Variants in NEMP1 observed in about 807,000 individuals in gnomAD.
NEMP1 encodes nuclear envelope integral membrane protein 1, also known as transmembrane protein 194.
Under a neutral mutation model 53.7 loss-of-function variants are expected in NEMP1, and 29 were observed. The observed-to-expected ratio is 0.54, with a 90% CI of 0.40 to 0.74. NEMP1 has a LOEUF of 0.74. Ranked by LOEUF, NEMP1 falls within the 30% of genes least tolerant of loss-of-function variation. NEMP1 has a pLI of 0.00. For synonymous variants in NEMP1, 193 were observed against 192.9 expected, an observed-to-expected ratio of 1.00 and a Z score of 0.00; for missense variants, 477 against 528.6, an observed-to-expected ratio of 0.90 and a Z score of 0.96.
At position 57,058,947 on chromosome 12, in the gene NEMP1, T is replaced by C. The variant is rs1427718693; in HGVS notation, c.*932A>G. ...GGAGAACGTATAAAAAGCATCCAAATCCCCTAAACAAGATGACTTCTCCTA... is the reference window on the plus strand; with the variant it reads ...GGAGAACGTATAAAAAGCATCCAAACCCCCTAAACAAGATGACTTCTCCTA... On this transcript the variant is annotated 3_prime_UTR_variant, in exon 9 of 9. Coordinates refer to ENST00000300128, the MANE Select transcript of NEMP1 (RefSeq NM_001130963.2). The C allele has an allele frequency of 2.6e-5, 4 of 151,874 alleles. No homozygotes were observed. Among genetic ancestry groups the C allele is most frequent in the African/African-American group, 9.7e-5 (4 of 41,334 alleles). 9.4% of individuals were successfully genotyped at this position (151,874 alleles called of 1,614,324 possible). A position where few individuals can be genotyped will look rare whatever the true frequency, so the allele number is the denominator to read the frequency against.
intron 1 of NEMP1, among the ~76,000 whole-genome samples, chr12:57,084,203 C>A (rs1427429345): frequency 1.3e-5 from 2 of 152,180 alleles, no homozygotes; most frequent in Non-Finnish European, 2.9e-5. Flanking sequence ...CTCAGGTGAT[C>A]CACCCACCTC....
In NEMP1 at chr12:57,063,105, T is replaced by C. The variant is rs1253777772; in HGVS notation, c.980+14A>G. On this transcript the variant is annotated intron_variant, in intron 7 of 8. Coordinates refer to ENST00000300128, the MANE Select transcript of NEMP1 (RefSeq NM_001130963.2). Reference sequence around the variant, plus strand: ...TGTACCTGTCAATATTAAGTTACATTGCCTTTCAGTCACCTGCAGGTGATG... The same window carrying C: ...TGTACCTGTCAATATTAAGTTACATCGCCTTTCAGTCACCTGCAGGTGATG... The C allele has an allele frequency of 1.9e-6, 3 of 1,591,864 alleles. No homozygotes were observed. Among genetic ancestry groups the C allele is most frequent in the Admixed American group, 1.7e-5 (1 of 59,986 alleles).
rs2032407809 is a variant in NEMP1 at position 57,072,670 on chromosome 12, A to G, written c.252+118T>C. The G allele has an allele frequency of 3.5e-6, 4 of 1,152,710 alleles. No individual in the cohort carries two copies. The South Asian group carries it at 6.5e-5, about 19-fold the overall frequency. The allele number at this position is 1,152,710 out of a possible 1,614,324, so 71.4% of individuals were successfully genotyped here. On this transcript the variant is annotated intron_variant, in intron 2 of 8. Transcript: ENST00000300128. ...AACTCAGGATAATCTCAACCCTAAC[A>G]AGATTGTTAACAACATTTTTTTTAA... is the stretch of plus-strand genomic sequence containing the variant.
At position 57,064,190 on chromosome 12, in the gene NEMP1, G is replaced by A. The variant is rs759458072; in HGVS notation, c.640-5C>T. On this transcript the variant is annotated splice_polypyrimidine_tract_variant and splice_region_variant and intron_variant, in intron 5 of 8. Transcript: ENST00000300128. ...GATGACGTAAATGGGACTTTTCTAAGACAGAGAGTAGAAGTGAAAGCAAAA... is the reference window on the plus strand; with the variant it reads ...GATGACGTAAATGGGACTTTTCTAAAACAGAGAGTAGAAGTGAAAGCAAAA... 9 of 1,578,698 alleles carry A rather than the reference G, an allele frequency of 5.7e-6. No individual in the cohort carries two copies. The highest frequency in any genetic ancestry group is 7.8e-6 in the Non-Finnish European group (9 of 1,158,622).
Position 57,064,669 on chromosome 12 carries a change from T to G in NEMP1, c.616A>C (p.Ile206Leu). ...ACCTTAGGCATAAACTTAGATAGTATAAAAATGATGATTAGCAGAGAGGCC... is the reference window on the plus strand; with the variant it reads ...ACCTTAGGCATAAACTTAGATAGTAGAAAAATGATGATTAGCAGAGAGGCC... The part of the protein sequence containing the change: ...IVASLLIIIF[I>L]LSKFMPKKSP... The change falls in exon 5 of 9, where the codon ATA (isoleucine) becomes CTA (leucine). Residue 206 changes from isoleucine (I) to leucine (L), a missense_variant. Ile to Leu is a conservative substitution (Grantham distance 5). Transcript: ENST00000300128. 2 of 1,612,880 alleles carry G rather than the reference T, an allele frequency of 1.2e-6. No homozygotes were observed. The highest frequency in any genetic ancestry group is 2.2e-5 in the South Asian group (2 of 90,908).
upstream of NEMP1, among the ~76,000 whole-genome samples, chr12:57,080,284 A>C (rs2032804866): frequency 6.6e-6 from 1 of 152,232 alleles, no homozygotes; most frequent in Admixed American, 6.5e-5. Flanking sequence ...GGACCTTTTT[A>C]AAAGTCAAAA....
In NEMP1 at chr12:57,069,247, C is replaced by T; in HGVS notation, c.532G>A (p.Asp178Asn). The T allele has an allele frequency of 6.5e-7, 1 of 1,547,012 alleles. No homozygotes were observed. The highest frequency in any genetic ancestry group is 2.4e-5 in the East Asian group (1 of 40,856). ...CTTGGAACCTACCTGCTCAGCAAGT[C>T]TCCACAAAAAAATAGCATAAGTCCA... ...LLGLMLFFCG[D>N]LLSRSQIFYY... The change falls in exon 4 of 9, where the codon GAC (aspartate) becomes AAC (asparagine). Residue 178 changes from aspartate (D) to asparagine (N), a missense_variant. By Grantham distance (23) the Asp-to-Asn change is conservative. Coordinates refer to ENST00000300128, the MANE Select transcript of NEMP1 (RefSeq NM_001130963.2).
Position 57,057,196 on chromosome 12 carries a change from C to T in NEMP1, c.*2683G>A, listed in dbSNP as rs1485527445. ...CAGACTGATGAGAGGCAATAGATTT[C>T]CAATGCTGATGAGATCCAGAGCCCT... is the stretch of plus-strand genomic sequence containing the variant. On this transcript the variant is annotated 3_prime_UTR_variant, in exon 9 of 9. Transcript: ENST00000300128. 1 of 152,180 alleles carries T rather than the reference C, an allele frequency of 6.6e-6. No homozygotes were observed. Among genetic ancestry groups the T allele is most frequent in the Admixed American group, 6.5e-5 (1 of 15,282 alleles). The allele number at this position is 152,180 out of a possible 1,614,324, so 9.4% of individuals were successfully genotyped here. A position where few individuals can be genotyped will look rare whatever the true frequency, so the allele number is the denominator to read the frequency against.
upstream of NEMP1, chr12:57,078,805 C>A: frequency 6.4e-7 from 1 of 1,554,404 alleles, no homozygotes; most frequent in South Asian, 1.2e-5. Context: ...TCCGAACGGG[C>A]AACGACAGCA....
Position 57,059,581 on chromosome 12 carries a change from T to C in NEMP1, c.*298A>G. ...ATTGAATCAACTTTCAAGAAGGAGC[T>C]AGAATGCCATGCTAGCTGTGGCCAT... On this transcript the variant is annotated 3_prime_UTR_variant, in exon 9 of 9. Coordinates refer to ENST00000300128, the MANE Select transcript of NEMP1 (RefSeq NM_001130963.2). 4.0e-6 allele frequency: 1 copy of C among 252,524 alleles called. No individual in the cohort carries two copies. The highest frequency in any genetic ancestry group is 7.6e-6 in the Non-Finnish European group (1 of 131,250). The allele number at this position is 252,524 out of a possible 1,614,324, so 15.6% of individuals were successfully genotyped here.
chr12:57,076,012 G>A (rs1280844697), intron 1 of NEMP1, among the ~76,000 whole-genome samples: 1 of 151,968 alleles, frequency 6.6e-6, no homozygotes, highest in Non-Finnish European at 1.5e-5. Context: ...GGTGAGGTAG[G>A]AGAATCGCTT....
At position 57,059,775 on chromosome 12, in the gene NEMP1, C is replaced by T. The variant is rs143510135; in HGVS notation, c.*104G>A. The T allele has an allele frequency of 9.6e-7, 1 of 1,038,954 alleles. No homozygotes were observed. Among genetic ancestry groups the T allele is most frequent in the South Asian group, 1.8e-5 (1 of 55,826 alleles). 64.4% of individuals were successfully genotyped at this position (1,038,954 alleles called of 1,614,324 possible). A position where few individuals can be genotyped will look rare whatever the true frequency, so the allele number is the denominator to read the frequency against. ...CTTATTTCAGTAGGAGAATTTCTAC[C>T]CTATCTATCTCACTCTGTTTCAAAG... On this transcript the variant is annotated 3_prime_UTR_variant, in exon 9 of 9. Transcript: ENST00000300128.
At chr12:57,071,774 G>A (rs1319836349) in intron 2 of NEMP1, among the ~76,000 whole-genome samples, 3 of 151,598 alleles carry the variant, frequency 2.0e-5, no homozygotes, top group East Asian at 3.9e-4. Flanking sequence ...GCAGGGAGCC[G>A]AGGTCGTGCC....
At position 57,063,349 on chromosome 12, in the gene NEMP1, G is replaced by T. The variant is rs780737073; in HGVS notation, c.755-5C>A. 1 of 1,609,930 alleles carries T rather than the reference G, an allele frequency of 6.2e-7. No individual in the cohort carries two copies. Among genetic ancestry groups the T allele is most frequent in the Non-Finnish European group, 8.5e-7 (1 of 1,176,266 alleles). On this transcript the variant is annotated splice_region_variant and splice_polypyrimidine_tract_variant and intron_variant, in intron 6 of 8. Transcript: ENST00000300128. ...ATCCAACTGTGAGGACATAACCTAT[G>T]AGAAGAGTTATCAGAAGACATTCTT... is the stretch of plus-strand genomic sequence containing the variant.
At chr12:57,061,898 C>A (rs2031827044) in intron 7 of NEMP1, among the ~76,000 whole-genome samples, 1 of 151,930 alleles carries the variant, frequency 6.6e-6, no homozygotes, top group Non-Finnish European at 1.5e-5. Context: ...ACTCAGGAGG[C>A]TGAGGCAGGA....
At chr12:57,074,009 CT>C (rs1307693559) in intron 1 of NEMP1, among the ~76,000 whole-genome samples, 1 of 151,682 alleles carries the variant, frequency 6.6e-6, no homozygotes, top group African/African-American at 2.4e-5. Context: ...GGCTCTGCTG[CT>C]CAGGCTGGAG....
In NEMP1 at chr12:57,059,810, C is replaced by G. The variant is rs1423571993; in HGVS notation, c.*69G>C. ...TCACTCTGTTTCAAAGGGTTGAAAG[C>G]AATTGCACAACACATGCAACATGGA... On this transcript the variant is annotated 3_prime_UTR_variant, in exon 9 of 9. Transcript: ENST00000300128. The G allele has an allele frequency of 1.4e-6, 2 of 1,399,246 alleles. No homozygotes were observed. Among genetic ancestry groups the G allele is most frequent in the African/African-American group, 1.4e-5 (1 of 69,984 alleles). 86.7% of individuals were successfully genotyped at this position (1,399,246 alleles called of 1,614,324 possible).
chr12:57,060,532 C>T (rs2136480248), intron 8 of NEMP1, among the ~76,000 whole-genome samples: 1 of 152,286 alleles, frequency 6.6e-6, no homozygotes, highest in Non-Finnish European at 1.5e-5. Context: ...AGAAGGGAAA[C>T]TTAATATGGT....
rs1388025598 is a variant in NEMP1, at chr12:57,058,903, G to A, written c.*976C>T. The A allele has an allele frequency of 6.6e-6, 1 of 152,144 alleles. No homozygotes were observed. Among genetic ancestry groups the A allele is most frequent in the Non-Finnish European group, 1.5e-5 (1 of 68,026 alleles). The allele number at this position is 152,144 out of a possible 1,614,324, so 9.4% of individuals were successfully genotyped here. On this transcript the variant is annotated 3_prime_UTR_variant, in exon 9 of 9. Transcript: ENST00000300128. ...TTTCATAGCAACTCAAAGATAACAT[G>A]ACCCAATGACAGGAAAATGGAGAAC...
Sources: allele counts gnomAD v4.1 joint callset (sites outside exome capture counted in the v4.1 genomes callset), GRCh38; gene constraint gnomAD v4.1.1; transcripts MANE v1.5; gene names NCBI Gene and HGNC (gene_info 2026-07-23, HGNC 2026-07-21).